C16orf89: variants seen among roughly 807,000 people sequenced by gnomAD.
C16orf89 encodes chromosome 16 open reading frame 89.
A neutral mutation model predicts 41.5 loss-of-function variants in C16orf89; 57 were observed. The observed-to-expected ratio is 1.38, with a 90% CI of 1.11 to 1.71. C16orf89 has a LOEUF of 1.71. Ranked by LOEUF, C16orf89 falls within the 40% of genes most tolerant of loss-of-function variation. The probability of loss-of-function intolerance (pLI) is 0.00; values close to 1 mark genes in which losing one functional copy is unlikely to be tolerated. For synonymous variants in C16orf89, 223 were observed against 190.6 expected (o/e 1.17, Z -1.40); for missense variants, 575 against 445.9 (o/e 1.29, Z -2.61).
At position 5,062,425 on chromosome 16, in the gene C16orf89, C is replaced by G; in HGVS notation, c.358G>C (p.Glu120Gln). The G allele has an allele frequency of 6.2e-7, 1 of 1,611,474 alleles. No individual in the cohort carries two copies. Among genetic ancestry groups the G allele is most frequent in the Non-Finnish European group, 8.5e-7 (1 of 1,179,108 alleles). ...LKLSDPKYLR[E>Q]FQLTLQPGFW... Reference sequence around the variant, plus strand: ...AATGGGACACCCTGCGTGTGCTCACCTCTTAGGTACTTGGGATCACTCAGC... The same window carrying G: ...AATGGGACACCCTGCGTGTGCTCACGTCTTAGGTACTTGGGATCACTCAGC... The change falls in exon 2 of 8, where the codon GAG becomes CAG. Residue 120 changes from glutamate (E) to glutamine (Q), a missense_variant and splice_region_variant. Coordinates refer to ENST00000472572, the MANE Select transcript of C16orf89 (RefSeq NM_001098514.3).
rs200459591 is a variant in C16orf89 at position 5,055,321 on chromosome 16, C to A, written c.793G>T (p.Asp265Tyr). The change falls in exon 6 of 8, where the codon GAC (aspartate) becomes TAC (tyrosine). Residue 265 changes from aspartate to tyrosine, a missense_variant. By Grantham distance (160) the Asp-to-Tyr change is radical. Coordinates refer to ENST00000472572, the MANE Select transcript of C16orf89 (RefSeq NM_001098514.3). ...IMFCGMGGFS[D>Y]FYKLRWLEAI... is the part of the protein sequence containing the mutation. ...TCCAGCCACCGGAGCTTGTAGAAGTCGGAGAAGCCGCCCATTCCACAGAAC... is the reference window on the plus strand; with the variant it reads ...TCCAGCCACCGGAGCTTGTAGAAGTAGGAGAAGCCGCCCATTCCACAGAAC... 7.4e-6 allele frequency: 12 copies of A among 1,612,948 alleles called. No homozygotes were observed. Among genetic ancestry groups the A allele is most frequent in the Non-Finnish European group, 1.0e-5 (12 of 1,179,430 alleles).
chr16:5,061,139 G>A (rs1289627033), intron 2 of C16orf89, among the ~76,000 whole-genome samples: 3 of 150,828 alleles, frequency 2.0e-5, no homozygotes, highest in African/African-American at 7.3e-5. Flanking sequence ...GCAGGTGCCT[G>A]TAGTCCCAGC....
intron 7 of C16orf89, among the ~76,000 whole-genome samples, chr16:5,046,479 G>T (rs1214988334): frequency 6.7e-6 from 1 of 148,996 alleles, no homozygotes; most frequent in Admixed American, 6.7e-5. Flanking sequence ...AGCCTTCCAG[G>T]TAGCGGGATT....
chr16:5,056,215 G>C, intron 4 of C16orf89, 27 bp from the exon 5 acceptor site: 2 of 1,572,080 alleles, frequency 1.3e-6, no homozygotes, highest in East Asian at 2.3e-5. Context: ...CCAAAGACAA[G>C]GGAGTCAGTG....
downstream of C16orf89, chr16:5,044,021 A>T: frequency 1.4e-6 from 1 of 727,420 alleles, no homozygotes; most frequent in Non-Finnish European, 1.7e-6. Context: ...AAAAGGAAAA[A>T]AGAAAAAAGA....
At position 5,048,739 on chromosome 16, in the gene C16orf89, C is replaced by A. The variant is rs1956346583; in HGVS notation, c.869-775G>T. ...ATAGAAAGAAGAAAGAGAAAAGAAGCAAAACTATCACTAGAGAAAAGCCCA... is the reference window on the plus strand; with the variant it reads ...ATAGAAAGAAGAAAGAGAAAAGAAGAAAAACTATCACTAGAGAAAAGCCCA... On this transcript the variant is annotated intron_variant, in intron 6 of 7. Coordinates refer to ENST00000472572, the MANE Select transcript of C16orf89 (RefSeq NM_001098514.3). Among the ~76,000 whole-genome samples the A allele has an allele frequency of 1.3e-5, 2 of 151,496 alleles. 1 individual carries two copies. Among genetic ancestry groups the A allele is most frequent in the Admixed American group, 1.3e-4 (2 of 15,212 alleles).
At chr16:5,057,280 A>G (rs567514269) in intron 4 of C16orf89, among the ~76,000 whole-genome samples, 18 of 133,070 alleles carry the variant, frequency 1.4e-4, no homozygotes, top group South Asian at 9.2e-4. Context: ...ATATATATGT[A>G]TATATATATG....
intron 6 of C16orf89, among the ~76,000 whole-genome samples, chr16:5,052,313 G>T (rs1025644271): frequency 1.3e-5 from 2 of 151,512 alleles, no homozygotes; most frequent in Admixed American, 1.3e-4. Context: ...AAATGGCCAA[G>T]CGCAGTGGCT....
At chr16:5,044,955 A>C (rs995685308) in intron 7 of C16orf89, 1 of 1,203,516 alleles carries the variant, frequency 8.3e-7, no homozygotes, top group Non-Finnish European at 1.0e-6. Context: ...CTCTTCCGCC[A>C]GCTGCTAAGG....
intron 2 of C16orf89, among the ~76,000 whole-genome samples, chr16:5,061,624 C>T (rs183275726): frequency 1.2e-4 from 18 of 151,650 alleles, no homozygotes; most frequent in African/African-American, 4.1e-4. Flanking sequence ...TCATAGATAT[C>T]TTTAAGATGA....
rs1271602519 is a variant in C16orf89, at chr16:5,044,366, T to G, written c.1068A>C (p.Pro356=). ...GTCCGTCTCAGCGGCTGCTTGGTGG[T>G]GGCGGTGTGGATGGGTGTGGCTCTC... is the stretch of plus-strand genomic sequence containing the variant. ...ANREPHPSTP[P]PPSSR The change falls in exon 8 of 8, where the codon CCA becomes CCC. Residue 356 remains proline (P), a synonymous_variant. Transcript: ENST00000472572. The G allele has an allele frequency of 2.5e-6, 4 of 1,608,578 alleles. No homozygotes were observed. In the Admixed American group the frequency reaches 6.7e-5, roughly 27 times the overall value.
At chr16:5,048,216 G>A (rs1311215771) in intron 6 of C16orf89, among the ~76,000 whole-genome samples, 2 of 151,944 alleles carry the variant, frequency 1.3e-5, no homozygotes, top group Admixed American at 6.6e-5. Flanking sequence ...TTTTTTTTTG[G>A]TAGAGATGGG....
At chr16:5,050,165 C>T (rs1194122348) in intron 6 of C16orf89, among the ~76,000 whole-genome samples, 1 of 151,966 alleles carries the variant, frequency 6.6e-6, no homozygotes, top group South Asian at 2.1e-4. Context: ...GTCAGGAGTT[C>T]GAGACCAGCC....
intron 6 of C16orf89, among the ~76,000 whole-genome samples, chr16:5,053,236 G>A (rs1183881822): frequency 2.0e-5 from 3 of 152,044 alleles, no homozygotes; most frequent in African/African-American, 7.2e-5. Context: ...TGGGCGTGGT[G>A]GCATGCACCT....
intron 5 of C16orf89, 28 bp from the exon 6 acceptor site, chr16:5,055,378 A>T (rs750103961): frequency 1.9e-6 from 3 of 1,552,114 alleles, no homozygotes; most frequent in Non-Finnish European, 2.6e-6. Flanking sequence ...GGCCCTCTGC[A>T]GGCCTGCCCC....
rs373691046 is a variant in C16orf89, at chr16:5,046,599, C to T, written c.955+1279G>A. ...CTTCTGACCTCAGGTGTTCCACCCG[C>T]CTTAGCCTCCCAAAGTGCTAGGATT... On this transcript the variant is annotated intron_variant, in intron 7 of 7. Transcript: ENST00000472572. Among the ~76,000 whole-genome samples the T allele has an allele frequency of 6.6e-5, 10 of 152,248 alleles. No homozygotes were observed. In the East Asian group the frequency reaches 1.2e-3, roughly 18 times the overall value.
intron 6 of C16orf89, 54 bp downstream of exon 6, chr16:5,055,192 G>A: frequency 1.4e-6 from 2 of 1,449,808 alleles, no homozygotes. Flanking sequence ...GAAACTCAGA[G>A]CCACCCCCAC....
intron 6 of C16orf89, among the ~76,000 whole-genome samples, chr16:5,049,578 A>C (rs1474741487): frequency 1.3e-5 from 2 of 152,250 alleles, no homozygotes; most frequent in African/African-American, 4.8e-5. Context: ...ATACAGGGAA[A>C]TTAAACAACA....
Position 5,060,304 on chromosome 16 carries a change from A to G in C16orf89, c.491T>C (p.Val164Ala). 6.2e-7 allele frequency: 1 copy of G among 1,610,956 alleles called. No individual in the cohort carries two copies. Among genetic ancestry groups the G allele is most frequent in the Non-Finnish European group, 8.5e-7 (1 of 1,178,558 alleles). Residue 164 changes from valine (V) to alanine (A), a missense_variant, in exon 3 of 8, where the codon GTG becomes GCG. Coordinates refer to ENST00000472572, the MANE Select transcript of C16orf89 (RefSeq NM_001098514.3). ...FSEERSDVCLVQLLGTGTDSS... is the reference protein window; with the variant it reads ...FSEERSDVCLAQLLGTGTDSS... Reference sequence around the variant, plus strand: ...GGCCCACCCGGTTCCCAGCAGCTGCACCAGGCACACGTCACTTCTCTCCTC... The same window carrying G: ...GGCCCACCCGGTTCCCAGCAGCTGCGCCAGGCACACGTCACTTCTCTCCTC...
Sources: gnomAD v4.1 joint callset for allele counts (sites outside exome capture counted in the v4.1 genomes callset) on GRCh38, gnomAD v4.1.1 for gene constraint, MANE v1.5 for transcripts, NCBI Gene and HGNC (gene_info 2026-07-23, HGNC 2026-07-21) for gene names.